CEP95: variants seen among roughly 807,000 people sequenced by gnomAD.
CEP95 encodes centrosomal protein of 95 kDa.
A neutral mutation model predicts 111.2 loss-of-function variants in CEP95; 98 were observed. That is an observed-to-expected ratio of 0.88 (90% CI 0.75 to 1.04). The LOEUF is 1.04. Among genes scored for constraint, CEP95 ranks in the 50% least tolerant of loss-of-function variants. CEP95 has a pLI of 0.00. For synonymous variants in CEP95, 323 were observed against 327.1 expected, an observed-to-expected ratio of 0.99 and a Z score of 0.14; for missense variants, 1,027 against 977.2, an observed-to-expected ratio of 1.05 and a Z score of -0.68.
At chr17:64,534,846 ACTG>A in intron 17 of CEP95, 109 bp downstream of exon 17, 1 of 1,304,094 alleles carries the variant, frequency 7.7e-7, no homozygotes, top group Non-Finnish European at 1.1e-6. Flanking sequence ...CAAAATCTAA[ACTG>A]AAGTCCTATA....
chr17:64,512,654 C>T (rs1555675424), intron 3 of CEP95, among the ~76,000 whole-genome samples: 5 of 151,998 alleles, frequency 3.3e-5, no homozygotes. Context: ...CAGGATAAGT[C>T]CTGATTTACA....
In CEP95 at chr17:64,510,209, C is replaced by A; in HGVS notation, c.185C>A (p.Ala62Glu). ...ATTCCTAGGAGTCAAGAAGATGATG[C>A]ACACAATGTACAAGCAGTAATTGAT... The part of the protein sequence containing the change: ...IVIPRSQEDD[A>E]HNVQAVIDSL... The change falls in exon 3 of 20, where the codon GCA becomes GAA. Residue 62 changes from alanine (A) to glutamate (E), a missense_variant. Physicochemically the swap from Ala to Glu is moderately radical, Grantham distance 107 (BLOSUM62 -1). Coordinates refer to ENST00000556440, the MANE Select transcript of CEP95 (RefSeq NM_138363.3). 6.2e-7 allele frequency: 1 copy of A among 1,610,872 alleles called. No homozygotes were observed. Among genetic ancestry groups the A allele is most frequent in the Non-Finnish European group, 8.5e-7 (1 of 1,178,290 alleles).
chr17:64,537,154 A>G (rs543352989), intron 19 of CEP95, 42 bp downstream of exon 19: 34 of 1,597,080 alleles, frequency 2.1e-5, no homozygotes, highest in Middle Eastern at 3.3e-4. Context: ...CTGCATGGCA[A>G]TGTTTCTTTC....
At position 64,537,127 on chromosome 17, in the gene CEP95, A is replaced by G; in HGVS notation, c.2289+15A>G. The stretch of plus-strand genomic sequence containing the variant: ...CTCAGGCCCAGGTAATAATTAAGAT[A>G]GAAGCCAAGTCATGCACTGCATGGC... On this transcript the variant is annotated intron_variant, in intron 19 of 19. Transcript: ENST00000556440. 2 of 1,609,016 alleles carry G rather than the reference A, an allele frequency of 1.2e-6. No homozygotes were observed. The highest frequency in any genetic ancestry group is 8.5e-7 in the Non-Finnish European group (1 of 1,177,594).
intron 9 of CEP95, 30 bp downstream of exon 9, chr17:64,525,912 A>G (rs1555678993): frequency 1.3e-6 from 2 of 1,514,468 alleles, no homozygotes; most frequent in South Asian, 2.6e-5. Flanking sequence ...CAGTGTTTAC[A>G]GTCTGTTTAC....
chr17:64,506,796 C>T (rs1009409453), upstream of CEP95: 5 of 548,788 alleles, frequency 9.1e-6, no homozygotes, highest in Admixed American at 9.8e-5. Flanking sequence ...CCCGGGCTGC[C>T]GGCTGATGTG....
chr17:64,506,835 C>T, upstream of CEP95: 3 of 599,744 alleles, frequency 5.0e-6, no homozygotes, highest in South Asian at 3.8e-5. Flanking sequence ...TCTGATAATC[C>T]TTTGACGGGT....
chr17:64,516,287 A>G (rs1555676266), intron 4 of CEP95, among the ~76,000 whole-genome samples: 1 of 152,202 alleles, frequency 6.6e-6, no homozygotes, highest in African/African-American at 2.4e-5. Flanking sequence ...GGTGGGGTGG[A>G]AAAAGACTGA....
intron 19 of CEP95, 121 bp from the exon 20 acceptor site, chr17:64,537,482 C>T: frequency 7.0e-7 from 1 of 1,421,122 alleles, no homozygotes; most frequent in South Asian, 1.7e-5. Flanking sequence ...GTAAGAGCTG[C>T]TGTTGCTAGA....
chr17:64,509,424 C>G (rs2038769160), intron 2 of CEP95, among the ~76,000 whole-genome samples: 1 of 152,234 alleles, frequency 6.6e-6, no homozygotes, highest in South Asian at 2.1e-4. Context: ...CACCTCTAAT[C>G]CCATTACCTT....
At chr17:64,512,767 T>C (rs2038962130) in intron 3 of CEP95, among the ~76,000 whole-genome samples, 2 of 152,336 alleles carry the variant, frequency 1.3e-5, no homozygotes, top group Non-Finnish European at 2.9e-5. Flanking sequence ...AATGGGTAAA[T>C]CAGTTCGGAG....
At chr17:64,527,301 A>T (rs1568146435) in intron 11 of CEP95, 37 bp downstream of exon 11, 1 of 1,540,698 alleles carries the variant, frequency 6.5e-7, no homozygotes, top group Non-Finnish European at 8.8e-7. Context: ...GGGGACATCC[A>T]TGTGAACTAC....
intron 3 of CEP95, among the ~76,000 whole-genome samples, chr17:64,511,021 C>T (rs534086729): frequency 1.3e-5 from 2 of 152,228 alleles, no homozygotes; most frequent in Non-Finnish European, 2.9e-5. Context: ...GCTGCAAAAA[C>T]CAGCAAGTTT....
At chr17:64,523,614 T>C (rs990977946) in intron 8 of CEP95, among the ~76,000 whole-genome samples, 1 of 151,966 alleles carries the variant, frequency 6.6e-6, no homozygotes, top group Non-Finnish European at 1.5e-5. Flanking sequence ...CCTGTCCTTA[T>C]CTTTCTAAAA....
In CEP95 at chr17:64,516,813, G is replaced by C. The variant is rs2144390798; in HGVS notation, c.458G>C (p.Arg153Thr). Residue 153 changes from arginine to threonine, a missense_variant, in exon 5 of 20, where the codon AGA (arginine) becomes ACA (threonine). Transcript: ENST00000556440. ...STKESKSSWK[R>T]VSFGRCSLSS... Reference sequence around the variant, plus strand: ...AAAGAATCTAAATCATCATGGAAAAGAGTTTCTTTTGGGAGGTAGCACTTA... The same window carrying C: ...AAAGAATCTAAATCATCATGGAAAACAGTTTCTTTTGGGAGGTAGCACTTA... The C allele has an allele frequency of 6.2e-7, 1 of 1,604,028 alleles. No homozygotes were observed. Among genetic ancestry groups the C allele is most frequent in the Middle Eastern group, 1.7e-4 (1 of 6,040 alleles).
chr17:64,510,135 T>G (rs1555674428), intron 2 of CEP95, 38 bp from the exon 3 acceptor site: 1 of 1,255,672 alleles, frequency 8.0e-7, no homozygotes, highest in Non-Finnish European at 1.1e-6. Context: ...ACTTGGCCTC[T>G]CATGGATACA....
Position 64,507,051 on chromosome 17 carries a change from C to T in CEP95, c.-47C>T, listed in dbSNP as rs1555673134. The T allele has an allele frequency of 3.9e-6, 6 of 1,550,386 alleles. No individual in the cohort carries two copies. The Middle Eastern group carries it at 6.9e-4, about 179-fold the overall frequency. On this transcript the variant is annotated 5_prime_UTR_variant, in exon 1 of 20. Coordinates refer to ENST00000556440, the MANE Select transcript of CEP95 (RefSeq NM_138363.3). ...TGGATCGGTCCTTCCAGGACACCGTCGCCTTCCCGGCCGCGTCGGAGTCCG... is the reference window on the plus strand; with the variant it reads ...TGGATCGGTCCTTCCAGGACACCGTTGCCTTCCCGGCCGCGTCGGAGTCCG...
At chr17:64,508,129 C>G in intron 1 of CEP95, 1 of 985,424 alleles carries the variant, frequency 1.0e-6, no homozygotes, top group South Asian at 4.7e-5. Context: ...CCAGAGAAAC[C>G]CTGACTTGCA....
intron 12 of CEP95, among the ~76,000 whole-genome samples, chr17:64,530,482 A>G (rs111776155): frequency 0.14 from 21,450 of 150,092 alleles, 3,127 homozygotes; most frequent in African/African-American, 0.37. Context: ...CAGGTATCCT[A>G]GGTGAATTTT....
Sources: allele counts gnomAD v4.1 joint callset (sites outside exome capture counted in the v4.1 genomes callset), GRCh38; gene constraint gnomAD v4.1.1; transcripts MANE v1.5; gene names NCBI Gene and HGNC (gene_info 2026-07-23, HGNC 2026-07-21).